The following MMD2 variants were observed in gnomAD, a reference collection of about 807,000 sequenced individuals.
MMD2 encodes monocyte to macrophage differentiation associated 2.
MMD2 carries 30 observed loss-of-function variants against 33.5 expected under a neutral mutation model. The observed-to-expected ratio is 0.90, with a 90% CI of 0.67 to 1.22. MMD2 has a LOEUF of 1.22. MMD2 is among the 50% of genes most tolerant of loss of function. The pLI, the probability that MMD2 is intolerant of heterozygous loss-of-function variation, is 0.00. For synonymous variants in MMD2, 129 were observed against 123.0 expected (o/e 1.05, Z -0.32); for missense variants, 364 against 325.4 (o/e 1.12, Z -0.91).
chr7:4,914,098 G>C (rs761438370), intron 4 of MMD2, among the ~76,000 whole-genome samples: 1 of 152,280 alleles, frequency 6.6e-6, no homozygotes, highest in East Asian at 1.9e-4. Context: ...CGGTCCTCCT[G>C]TCTCAGCCTC....
intron 1 of MMD2, among the ~76,000 whole-genome samples, chr7:4,933,289 G>A (rs1785643395): frequency 6.6e-6 from 1 of 152,144 alleles, no homozygotes; most frequent in African/African-American, 2.4e-5. Flanking sequence ...TTGAGCCCAG[G>A]AGGTCAAGGC....
intron 1 of MMD2, among the ~76,000 whole-genome samples, chr7:4,945,060 CCTT>C: frequency 6.6e-6 from 1 of 150,954 alleles, no homozygotes; most frequent in Non-Finnish European, 1.5e-5. Context: ...TTTTTCTTCT[CCTT>C]CCTCCTCCTC....
At chr7:4,945,870 C>T (rs1786062054) in intron 1 of MMD2, among the ~76,000 whole-genome samples, 2 of 152,208 alleles carry the variant, frequency 1.3e-5, no homozygotes, top group African/African-American at 2.4e-5. Context: ...CCGCCGCACC[C>T]GGCCTCTTTC....
chr7:4,931,707 G>A (rs1027338324), intron 1 of MMD2, among the ~76,000 whole-genome samples: 1 of 152,026 alleles, frequency 6.6e-6, no homozygotes, highest in South Asian at 2.1e-4. Flanking sequence ...TAAGATTACA[G>A]GTACATGCCA....
chr7:4,914,427 C>A (rs1318498527), intron 4 of MMD2, among the ~76,000 whole-genome samples: 1 of 152,200 alleles, frequency 6.6e-6, no homozygotes, highest in Middle Eastern at 3.2e-3. Flanking sequence ...ATCAGCTTCT[C>A]TCTGATTGCT....
chr7:4,939,718 T>A (rs918487120), intron 1 of MMD2, among the ~76,000 whole-genome samples: 12 of 151,218 alleles, frequency 7.9e-5, no homozygotes, highest in African/African-American at 2.9e-4. Flanking sequence ...TGCACACACT[T>A]CCAATCTATT....
At chr7:4,898,902 A>G in the MMD2 span, among the ~76,000 whole-genome samples, 1 of 151,996 alleles carries the variant, frequency 6.6e-6, no homozygotes, top group African/African-American at 2.4e-5. Flanking sequence ...CTGTCTCAGA[A>G]AAAAGAAAGA....
At chr7:4,902,917 A>G (rs796486220), downstream of MMD2, among the ~76,000 whole-genome samples, 9 of 152,304 alleles carry the variant, frequency 5.9e-5, no homozygotes, top group African/African-American at 2.2e-4. Context: ...GTAGAAGGAA[A>G]TGCTCTGTAG....
chr7:4,951,222 A>G (rs1353739483), intron 1 of MMD2, among the ~76,000 whole-genome samples: 1 of 152,080 alleles, frequency 6.6e-6, no homozygotes, highest in Non-Finnish European at 1.5e-5. Context: ...GGCAGCCTCA[A>G]AAGTAGCTTC....
intron 1 of MMD2, among the ~76,000 whole-genome samples, chr7:4,927,069 T>C (rs372345275): frequency 6.6e-6 from 1 of 152,054 alleles, no homozygotes; most frequent in East Asian, 1.9e-4. Flanking sequence ...TTCATGGCTA[T>C]TGTATTCCAC....
At chr7:4,913,980 A>G (rs1785079000) in intron 4 of MMD2, among the ~76,000 whole-genome samples, 1 of 151,880 alleles carries the variant, frequency 6.6e-6, no homozygotes. Context: ...TTTAAATTAC[A>G]TGTTTCAGTT....
chr7:4,892,350 G>A, the MMD2 span, among the ~76,000 whole-genome samples: 40 of 152,226 alleles, frequency 2.6e-4, no homozygotes, highest in African/African-American at 7.9e-4. Context: ...CACTTTGGGA[G>A]GCTAAGGCGG....
At chr7:4,931,182 A>G (rs915590527) in intron 1 of MMD2, among the ~76,000 whole-genome samples, 2 of 151,770 alleles carry the variant, frequency 1.3e-5, no homozygotes, top group Non-Finnish European at 2.9e-5. Context: ...TGTTTTTTTG[A>G]GAAAGGGTCT....
At chr7:4,928,918 C>T (rs1003564339) in intron 1 of MMD2, among the ~76,000 whole-genome samples, 1 of 152,162 alleles carries the variant, frequency 6.6e-6, no homozygotes, top group Non-Finnish European at 1.5e-5. Flanking sequence ...TGTGTGCTGG[C>T]TCCACGCTAG....
At chr7:4,900,532 G>C in the MMD2 span, among the ~76,000 whole-genome samples, 1 of 152,054 alleles carries the variant, frequency 6.6e-6, no homozygotes, top group Non-Finnish European at 1.5e-5. Flanking sequence ...CACCCTACCA[G>C]TCTTCTAATA....
chr7:4,932,142 G>A (rs573793838), intron 1 of MMD2, among the ~76,000 whole-genome samples: 7 of 152,276 alleles, frequency 4.6e-5, no homozygotes, highest in Non-Finnish European at 8.8e-5. Flanking sequence ...CACGGTTGCC[G>A]TGGCGACCTG....
intron 1 of MMD2, among the ~76,000 whole-genome samples, chr7:4,937,320 C>T (rs1325452279): frequency 1.3e-5 from 2 of 151,332 alleles, no homozygotes; most frequent in Non-Finnish European, 2.9e-5. Context: ...TCACTTGAAT[C>T]CGGGAGGTGG....
Position 4,957,500 on chromosome 7 carries a change from T to G in MMD2, c.47+1471A>C, listed in dbSNP as rs1207100515. ...CAGTCTCTACTAAAAATACAAAAAA[T>G]TAGCCGGGCATGGTGGCAGGTGCCT... On this transcript the variant is annotated intron_variant, in intron 1 of 6. Coordinates refer to ENST00000401401, the MANE Select transcript of MMD2 (RefSeq NM_198403.4). 2.6e-5 allele frequency among the ~76,000 whole-genome samples: 4 copies of G among 151,662 alleles called. No homozygotes were observed. In the East Asian group the frequency reaches 5.9e-4, roughly 22 times the overall value.
rs1786092351 is a variant in MMD2, at chr7:4,946,533, C to CA, written c.47+12437dup. On this transcript the variant is annotated intron_variant, in intron 1 of 6. Coordinates refer to ENST00000401401, the MANE Select transcript of MMD2 (RefSeq NM_198403.4). The surrounding 1 kb of genome is among the most constrained non-coding windows in gnomAD (Gnocchi z 5.0). ...CCGCGAGTGAAACAAAGGATTCAGA[C>CA]AATGATAACCAATGGATGCTAAGAC... Among the ~76,000 whole-genome samples, 1 of 152,082 alleles carries CA rather than the reference C, an allele frequency of 6.6e-6. No individual in the cohort carries two copies. The highest frequency in any genetic ancestry group is 6.6e-5 in the Admixed American group (1 of 15,242).
Sources: allele counts gnomAD v4.1 joint callset (sites outside exome capture counted in the v4.1 genomes callset), GRCh38; gene constraint gnomAD v4.1.1; non-coding constraint Gnocchi (gnomAD v3.1); transcripts MANE v1.5; gene names NCBI Gene and HGNC (gene_info 2026-07-23, HGNC 2026-07-21).